CDH17: variants seen among roughly 807,000 people sequenced by gnomAD.
CDH17 encodes cadherin-17.
In CDH17, 67 loss-of-function variants were observed where a neutral mutation model predicts 86.3. That is an observed-to-expected ratio of 0.78 (90% CI 0.64 to 0.95). The LOEUF (loss-of-function observed/expected upper bound fraction) is 0.95, where lower values mean the gene tolerates loss of function less well. Among genes scored for constraint, CDH17 ranks in the 40% least tolerant of loss-of-function variants. The probability of loss-of-function intolerance (pLI) is 0.00; values close to 1 mark genes in which losing one functional copy is unlikely to be tolerated. For missense variants in CDH17, 993 were observed against 1,017.6 expected, an observed-to-expected ratio of 0.98 and a Z score of 0.33; for synonymous variants, 367 against 366.4, an observed-to-expected ratio of 1.00 and a Z score of -0.02.
intron 1 of CDH17, among the ~76,000 whole-genome samples, chr8:94,204,478 ATTC>A (rs1342445588): frequency 2.0e-5 from 3 of 152,180 alleles, no homozygotes; most frequent in African/African-American, 7.2e-5. Flanking sequence ...ACATGAAATC[ATTC>A]TTTTTTATGG....
At chr8:94,156,030 G>C (rs1812943304) in intron 12 of CDH17, among the ~76,000 whole-genome samples, 2 of 152,168 alleles carry the variant, frequency 1.3e-5, no homozygotes, top group African/African-American at 4.8e-5. Context: ...TTCATGACCT[G>C]GGGATATGAC....
chr8:94,145,880 C>T, intron 15 of CDH17, 48 bp downstream of exon 15: 1 of 1,573,990 alleles, frequency 6.4e-7, no homozygotes, highest in Non-Finnish European at 8.6e-7. Flanking sequence ...ATAAAACCTA[C>T]TTTCATCATC....
chr8:94,192,431 A>G (rs1813705776), intron 2 of CDH17, among the ~76,000 whole-genome samples: 1 of 152,148 alleles, frequency 6.6e-6, no homozygotes, highest in Non-Finnish European at 1.5e-5. Context: ...CAGTAATGGG[A>G]CTTGATCACC....
chr8:94,199,772 A>T (rs1813869081), intron 1 of CDH17, among the ~76,000 whole-genome samples: 1 of 152,192 alleles, frequency 6.6e-6, no homozygotes, highest in African/African-American at 2.4e-5. Flanking sequence ...TTAGGAGCAT[A>T]GACCCAGGAG....
At chr8:94,176,790 A>T in intron 4 of CDH17, 111 bp from the exon 5 acceptor site, 1 of 1,108,562 alleles carries the variant, frequency 9.0e-7, no homozygotes, top group Non-Finnish European at 1.3e-6. Context: ...TGGTGACTGT[A>T]GGAGAGAAAG....
At chr8:94,154,013 C>T (rs561162316) in intron 12 of CDH17, among the ~76,000 whole-genome samples, 1 of 152,136 alleles carries the variant, frequency 6.6e-6, no homozygotes, top group Non-Finnish European at 1.5e-5. Flanking sequence ...ACTTTAAAAT[C>T]ACAGAAGAGT....
intron 1 of CDH17, among the ~76,000 whole-genome samples, chr8:94,200,537 G>GTTTTTTTTTTTT (rs10600702): frequency 1.8e-5 from 1 of 56,914 alleles, no homozygotes; most frequent in Non-Finnish European, 2.9e-5. Flanking sequence ...ATTATCTTTT[G>GTTTTTTTTTTTT]TTTTTTTTTT....
At chr8:94,186,247 G>T (rs1018111471) in intron 3 of CDH17, among the ~76,000 whole-genome samples, 3 of 151,994 alleles carry the variant, frequency 2.0e-5, no homozygotes, top group Non-Finnish European at 4.4e-5. Flanking sequence ...ATCTTTTGCT[G>T]TACTCTCTCT....
rs373261518 is a variant in CDH17, at chr8:94,142,637, C to G, written c.2167+3291G>C. Among the ~76,000 whole-genome samples the G allele has an allele frequency of 6.0e-4, 91 of 152,344 alleles. 2 individuals carry two copies. The South Asian group carries it at 0.018, about 31-fold the overall frequency. On this transcript the variant is annotated intron_variant, in intron 15 of 17. Transcript: ENST00000027335. Reference sequence around the variant, plus strand: ...AAAAATTGGAGTAAGTCTTCTCAAACACTGCCACTGTTTTATCAACTATGT... The same window carrying G: ...AAAAATTGGAGTAAGTCTTCTCAAAGACTGCCACTGTTTTATCAACTATGT...
chr8:94,199,083 A>ATATATATATTT (rs1283889347), intron 1 of CDH17, among the ~76,000 whole-genome samples: 1 of 23,224 alleles, frequency 4.3e-5, no homozygotes, highest in African/African-American at 1.1e-4. Flanking sequence ...ATATATATAT[A>ATATATATATTT]TTTTTTTTTT....
At chr8:94,184,052 A>G (rs1813531529) in intron 3 of CDH17, among the ~76,000 whole-genome samples, 1 of 152,128 alleles carries the variant, frequency 6.6e-6, no homozygotes, top group South Asian at 2.1e-4. Context: ...AAAAAAAAAA[A>G]AAGACAGATA....
At position 94,177,714 on chromosome 8, in the gene CDH17, G is replaced by T. The variant is rs771056378; in HGVS notation, c.158C>A (p.Ala53Asp). Residue 53 changes from alanine (A) to aspartate (D), a missense_variant, in exon 4 of 18, where the codon GCC (alanine) becomes GAC (aspartate). By Grantham distance (126) the Ala-to-Asp change is moderately radical. Coordinates refer to ENST00000027335, the MANE Select transcript of CDH17 (RefSeq NM_004063.4). ...TTCAAAAGTCACAGCAGGAGGATTGGCCTTAAACTGGGGAAAAAGCAAAAA... is the reference window on the plus strand; with the variant it reads ...TTCAAAAGTCACAGCAGGAGGATTGTCCTTAAACTGGGGAAAAAGCAAAAA... ...EPSQIIFQFK[A>D]NPPAVTFELT... 1 of 1,613,334 alleles carries T rather than the reference G, an allele frequency of 6.2e-7. No individual in the cohort carries two copies. Among genetic ancestry groups the T allele is most frequent in the Non-Finnish European group, 8.5e-7 (1 of 1,179,686 alleles).
At chr8:94,130,491 T>G (rs1381429045) in intron 17 of CDH17, 135 bp downstream of exon 17, 4 of 598,110 alleles carry the variant, frequency 6.7e-6, no homozygotes, top group African/African-American at 1.9e-5. Context: ...AATTTGCTGG[T>G]GATCTACCTT....
rs1330983916 is a variant in CDH17, at chr8:94,217,197, C to A, written c.-21+1G>T. 6.6e-6 allele frequency: 1 copy of A among 152,190 alleles called. No homozygotes were observed. The highest frequency in any genetic ancestry group is 1.5e-5 in the Non-Finnish European group (1 of 68,238). 9.4% of individuals were successfully genotyped at this position (152,190 alleles called of 1,614,324 possible). On this transcript the variant is annotated splice_donor_variant, in intron 1 of 17. Transcript: ENST00000450165. LOFTEE classifies it low-confidence loss of function (5UTR_SPLICE). The stretch of plus-strand genomic sequence containing the variant: ...TGAGCCTCCTGCCCAGCTCTACTTA[C>A]CTCCCAGGAGCCCCAATCAGACAAG...
At chr8:94,175,304 G>A (rs1023236985) in intron 5 of CDH17, among the ~76,000 whole-genome samples, 2 of 152,102 alleles carry the variant, frequency 1.3e-5, no homozygotes, top group Non-Finnish European at 2.9e-5. Context: ...GAAAAGGTAC[G>A]GCCTGGAGCC....
chr8:94,188,284 T>C (rs1177981990), intron 3 of CDH17, among the ~76,000 whole-genome samples: 1 of 152,246 alleles, frequency 6.6e-6, no homozygotes, highest in African/African-American at 2.4e-5. Flanking sequence ...TAAATTTGTA[T>C]CATTTTTATT....
rs1380973495 is a variant in CDH17, at chr8:94,176,474, C to G, written c.424+67G>C. Reference sequence around the variant, plus strand: ...GTGACAGCTGCAGCTATTAGCCACACAAGTCTGCCCCTTCCACCTGACACC... The same window carrying G: ...GTGACAGCTGCAGCTATTAGCCACAGAAGTCTGCCCCTTCCACCTGACACC... On this transcript the variant is annotated intron_variant, in intron 5 of 17. Coordinates refer to ENST00000027335, the MANE Select transcript of CDH17 (RefSeq NM_004063.4). 3.2e-6 allele frequency: 5 copies of G among 1,552,496 alleles called. No individual in the cohort carries two copies. The African/African-American group carries it at 6.8e-5, about 21-fold the overall frequency.
chr8:94,185,002 A>G (rs1356373838), intron 3 of CDH17, among the ~76,000 whole-genome samples: 3 of 152,138 alleles, frequency 2.0e-5, no homozygotes, highest in Non-Finnish European at 4.4e-5. Context: ...AAGAGCTCCG[A>G]GCACATCTTA....
At chr8:94,145,717 A>G (rs74912843) in intron 15 of CDH17, among the ~76,000 whole-genome samples, 3,924 of 152,252 alleles carry the variant, frequency 0.026, 167 homozygotes, top group African/African-American at 0.09. Flanking sequence ...CTACACCAAG[A>G]GAATGCTGTG....
Sources: gnomAD v4.1 joint callset for allele counts (sites outside exome capture counted in the v4.1 genomes callset) on GRCh38, gnomAD v4.1.1 for gene constraint, MANE v1.5 for transcripts, NCBI Gene and HGNC (gene_info 2026-07-23, HGNC 2026-07-21) for gene names.